Variants in TNR observed in about 807,000 individuals in gnomAD.
The protein encoded by TNR is tenascin-R.
In TNR, 45 loss-of-function variants were observed where a neutral mutation model predicts 150.4. The ratio of observed to expected loss-of-function variants is 0.30; its 90% CI spans 0.24 to 0.38. The LOEUF (loss-of-function observed/expected upper bound fraction) is 0.38, where lower values mean the gene tolerates loss of function less well. Ranked by LOEUF, TNR falls within the 10% of genes least tolerant of loss-of-function variation. The pLI, the probability that TNR is intolerant of heterozygous loss-of-function variation, is 1.00. For missense variants in TNR, 1,544 were observed against 1,759.1 expected (o/e 0.88, Z 2.19); for synonymous variants, 687 against 678.4 (o/e 1.01, Z -0.20).
chr1:175,351,117 T>C (rs924501654), intron 18 of TNR, among the ~76,000 whole-genome samples: 1 of 152,202 alleles, frequency 6.6e-6, no homozygotes, highest in African/African-American at 2.4e-5. Flanking sequence ...CAAGAGTAAT[T>C]CATGTCTGTG....
intron 2 of TNR, among the ~76,000 whole-genome samples, chr1:175,481,233 A>G (rs1213516915): frequency 2.0e-5 from 3 of 152,226 alleles, no homozygotes; most frequent in Non-Finnish European, 2.9e-5. Context: ...CTGATTGATG[A>G]ATGAGTGAAC....
At chr1:175,707,760 A>G (rs1323125) in intron 1 of TNR, among the ~76,000 whole-genome samples, 10,392 of 152,258 alleles carry the variant, frequency 0.068, 584 homozygotes, top group African/African-American at 0.15. Context: ...GGCCAATAGT[A>G]GGCAATCTCC....
At chr1:175,435,190 T>C (rs6656789) in intron 2 of TNR, among the ~76,000 whole-genome samples, 40,477 of 151,916 alleles carry the variant, frequency 0.27, 5,740 homozygotes, top group East Asian at 0.52. Flanking sequence ...AAGTTGGAAG[T>C]AGAAATACCA....
intron 1 of TNR, among the ~76,000 whole-genome samples, chr1:175,560,148 G>A (rs1661363644): frequency 6.6e-6 from 1 of 152,194 alleles, no homozygotes; most frequent in African/African-American, 2.4e-5. Flanking sequence ...TACCTGCTCA[G>A]CTTTTGTTTT....
At chr1:175,442,962 CT>C (rs1655864219) in intron 2 of TNR, among the ~76,000 whole-genome samples, 1 of 148,816 alleles carries the variant, frequency 6.7e-6, no homozygotes, top group Admixed American at 6.6e-5. Context: ...TCTTAGAAGG[CT>C]GTAATAAGTG....
chr1:175,607,670 A>G (rs969516850), intron 1 of TNR, among the ~76,000 whole-genome samples: 4 of 152,226 alleles, frequency 2.6e-5, no homozygotes, highest in African/African-American at 9.6e-5. Context: ...TATGTCTGAA[A>G]GGATCAAAGT....
intron 2 of TNR, among the ~76,000 whole-genome samples, chr1:175,436,178 T>G (rs1410472247): frequency 6.6e-6 from 1 of 152,202 alleles, no homozygotes; most frequent in African/African-American, 2.4e-5. Flanking sequence ...AATCTGAACG[T>G]TGGCCTGCCT....
At chr1:175,553,877 A>C (rs1002916656) in intron 1 of TNR, among the ~76,000 whole-genome samples, 2 of 151,708 alleles carry the variant, frequency 1.3e-5, no homozygotes, top group African/African-American at 4.8e-5. Flanking sequence ...CTGGAAAAAC[A>C]GGATTCAAAA....
At chr1:175,485,309 G>A (rs1044288601) in intron 2 of TNR, among the ~76,000 whole-genome samples, 2 of 152,186 alleles carry the variant, frequency 1.3e-5, no homozygotes, top group African/African-American at 4.8e-5. Context: ...CCCCCAAACT[G>A]TAAACAGCTT....
At chr1:175,550,392 T>C (rs941536709) in intron 1 of TNR, among the ~76,000 whole-genome samples, 2 of 152,164 alleles carry the variant, frequency 1.3e-5, no homozygotes, top group Non-Finnish European at 2.9e-5. Context: ...AGATAGACTC[T>C]GGACTTGAGG....
rs1464419575 is a variant in TNR, at chr1:175,657,883, A to ATATATATATATATATATATATATGTG, written c.-165+85342_-165+85343insCACATATATATATATATATATATATA. On this transcript the variant is annotated intron_variant, in intron 1 of 22. Coordinates refer to ENST00000367674, the MANE Select transcript of TNR (RefSeq NM_003285.3). The stretch of plus-strand genomic sequence containing the variant: ...TATATATATATATATATATATATAT[A>ATATATATATATATATATATATATGTG]TGTAACAAACCTGCACGTTGTGCAC... Among the ~76,000 whole-genome samples, 85 of 101,102 alleles carry ATATATATATATATATATATATATGTG rather than the reference A, an allele frequency of 8.4e-4. 2 individuals are homozygous for ATATATATATATATATATATATATGTG. Among genetic ancestry groups the ATATATATATATATATATATATATGTG allele is most frequent in the Admixed American group, 1.5e-3 (14 of 9,412 alleles). The allele number at this position is 101,102 out of a possible 152,430, so 66.3% of individuals were successfully genotyped here. A position where few individuals can be genotyped will look rare whatever the true frequency, so the allele number is the denominator to read the frequency against.
At chr1:175,553,845 C>CACACACACAA (rs1282632549) in intron 1 of TNR, among the ~76,000 whole-genome samples, 67 of 151,636 alleles carry the variant, frequency 4.4e-4, no homozygotes, top group African/African-American at 1.2e-3. Context: ...CACACACACA[C>CACACACACAA]ACAAACAATA....
intron 20 of TNR, 145 bp from the exon 21 acceptor site, chr1:175,330,380 G>A: frequency 1.2e-6 from 1 of 820,898 alleles, no homozygotes; most frequent in Non-Finnish European, 1.8e-6. Context: ...TTCACAGGTT[G>A]TTATCAAATG....
rs746341005 is a variant in TNR at position 175,331,065 on chromosome 1, CT to C, written c.3632-831del. On this transcript the variant is annotated intron_variant, in intron 20 of 22. Transcript: ENST00000367674. ...TCTTTCTTTCTTTCTTTCTTTCTTT[CT>C]TTCTTTCTTTCCTTCTTTCTTTCTT... 1.2e-3 allele frequency among the ~76,000 whole-genome samples: 160 copies of C among 129,834 alleles called. 2 individuals carry two copies. Among genetic ancestry groups the C allele is most frequent in the African/African-American group, 2.4e-3 (77 of 32,462 alleles). The allele number at this position is 129,834 out of a possible 152,430, so 85.2% of individuals were successfully genotyped here.
chr1:175,568,518 C>CCTTTGCACCTCTTGTCTGCCT (rs1661733409), intron 1 of TNR, among the ~76,000 whole-genome samples: 1 of 152,182 alleles, frequency 6.6e-6, no homozygotes, highest in African/African-American at 2.4e-5. Flanking sequence ...ATCCATCAGT[C>CCTTTGCACCTCTTGTCTGCCT]CTTTGCACCT....
intron 1 of TNR, among the ~76,000 whole-genome samples, chr1:175,692,372 T>C (rs962511482): frequency 3.3e-5 from 5 of 152,212 alleles, no homozygotes; most frequent in Admixed American, 2.6e-4. Context: ...CATCTGGGAA[T>C]TTACTGGTTC....
rs139723337 is a variant in TNR at position 175,692,701 on chromosome 1, G to T, written c.-165+50525C>A. 1.2e-4 allele frequency among the ~76,000 whole-genome samples: 18 copies of T among 152,242 alleles called. No homozygotes were observed. The East Asian group carries it at 1.9e-3, about 16-fold the overall frequency. On this transcript the variant is annotated intron_variant, in intron 1 of 22. Transcript: ENST00000367674. ...CACTAACAGGGGAGAGGAGAGGAAG[G>T]TCTCATGAAAAGGGCAGTGGGAGAC...
At chr1:175,535,839 T>A (rs932291629) in intron 1 of TNR, among the ~76,000 whole-genome samples, 1 of 152,188 alleles carries the variant, frequency 6.6e-6, no homozygotes, top group Non-Finnish European at 1.5e-5. Context: ...CATGAACTTA[T>A]ACGGAAAAAA....
chr1:175,474,258 G>A (rs1657424619), intron 2 of TNR, among the ~76,000 whole-genome samples: 1 of 152,090 alleles, frequency 6.6e-6, no homozygotes, highest in Admixed American at 6.5e-5. Flanking sequence ...CATATTTACA[G>A]ATAAGGCCTT....
Sources: gnomAD v4.1 joint callset for allele counts (sites outside exome capture counted in the v4.1 genomes callset) on GRCh38, gnomAD v4.1.1 for gene constraint, MANE v1.5 for transcripts, NCBI Gene and HGNC (gene_info 2026-07-23, HGNC 2026-07-21) for gene names.